ALK: variants seen among roughly 807,000 people sequenced by gnomAD.
ALK encodes the protein ALK tyrosine kinase receptor.
In ALK, 74 loss-of-function variants were observed where a neutral mutation model predicts 163.1. The ratio of observed to expected loss-of-function variants is 0.45; its 90% CI spans 0.38 to 0.55. The LOEUF is 0.55. Ranked by LOEUF, ALK falls within the 20% of genes least tolerant of loss-of-function variation. The probability of loss-of-function intolerance (pLI) is 0.00; values close to 1 mark genes in which losing one functional copy is unlikely to be tolerated. For synonymous variants in ALK, 960 were observed against 843.2 expected (o/e 1.14, Z -2.40); for missense variants, 2,063 against 2,105.3 (o/e 0.98, Z 0.39).
At chr2:29,499,254 T>C (rs1242311449) in intron 4 of ALK, among the ~76,000 whole-genome samples, 1 of 152,202 alleles carries the variant, frequency 6.6e-6, no homozygotes, top group Non-Finnish European at 1.5e-5. Flanking sequence ...TGGAGTTCAA[T>C]GGTGTGGTCT....
chr2:29,311,810 T>G (rs1376334126), intron 8 of ALK, among the ~76,000 whole-genome samples: 3 of 151,988 alleles, frequency 2.0e-5, no homozygotes, highest in African/African-American at 7.2e-5. Context: ...GGGGGCGATG[T>G]GGGGGAAGGC....
intron 9 of ALK, among the ~76,000 whole-genome samples, chr2:29,278,389 A>C (rs1476113887): frequency 1.3e-5 from 2 of 152,156 alleles, no homozygotes; most frequent in Non-Finnish European, 2.9e-5. Flanking sequence ...GACCTCTTAG[A>C]GGATAATTGT....
intron 3 of ALK, among the ~76,000 whole-genome samples, chr2:29,561,205 T>C (rs1674013525): frequency 6.6e-6 from 1 of 152,200 alleles, no homozygotes. Context: ...ATATTTCTAT[T>C]GGGCAGCACA....
At chr2:29,678,343 G>C (rs6707890) in intron 3 of ALK, among the ~76,000 whole-genome samples, 1,863 of 151,340 alleles carry the variant, frequency 0.012, 45 homozygotes, top group African/African-American at 0.044. Flanking sequence ...CTTTTACATC[G>C]CATGTTTTCA....
chr2:29,578,322 G>A (rs557880265), intron 3 of ALK, among the ~76,000 whole-genome samples: 1 of 152,256 alleles, frequency 6.6e-6, no homozygotes, highest in East Asian at 1.9e-4. Context: ...TCTTTCTTTT[G>A]TAAATTGCCC....
intron 13 of ALK, 72 bp from the exon 14 acceptor site, chr2:29,233,768 T>C (rs2148184717): frequency 6.2e-7 from 1 of 1,601,548 alleles, no homozygotes; most frequent in Non-Finnish European, 8.6e-7. Flanking sequence ...ACAGAACTTC[T>C]ATGCTTAAAA....
intron 1 of ALK, among the ~76,000 whole-genome samples, chr2:29,721,778 G>A (rs1573583273): frequency 6.6e-6 from 1 of 152,064 alleles, no homozygotes; most frequent in African/African-American, 2.4e-5. Context: ...ACACAAACAT[G>A]CACCATCTTA....
chr2:29,476,710 G>A lies in ALK; in HGVS notation c.1154+55205C>T, dbSNP rs576675986. The stretch of plus-strand genomic sequence containing the variant: ...TGCTGCATGGGCTGAGACTCAGAGC[G>A]TGTGAGGCTGCCCAGGGAAGACAGG... On this transcript the variant is annotated intron_variant, in intron 4 of 28. Coordinates refer to ENST00000389048, the MANE Select transcript of ALK (RefSeq NM_004304.5). Among the ~76,000 whole-genome samples the A allele has an allele frequency of 6.6e-5, 10 of 152,196 alleles. No homozygotes were observed. In the South Asian group the frequency reaches 8.3e-4, roughly 13 times the overall value.
Position 29,920,391 on chromosome 2 carries a change from G to A in ALK, c.269C>T (p.Ser90Leu), listed in dbSNP as rs34617074. The A allele has an allele frequency of 1.1e-5, 17 of 1,568,744 alleles. No homozygotes were observed. In the South Asian group the frequency reaches 1.4e-4, roughly 13 times the overall value. Residue 90 changes from serine to leucine, a missense_variant, in exon 1 of 29, where the codon TCG becomes TTG. Physicochemically the swap from Ser to Leu is moderately radical, Grantham distance 145. Coordinates refer to ENST00000389048, the MANE Select transcript of ALK (RefSeq NM_004304.5). ...LKAGRPEARG[S>L]LALDCAPLLR... Reference sequence around the variant, plus strand: ...CAGCGGGGCGCAGTCCAGAGCTAGCGAGCCGCGGGCCTCGGGCCTGCCAGC... The same window carrying A: ...CAGCGGGGCGCAGTCCAGAGCTAGCAAGCCGCGGGCCTCGGGCCTGCCAGC...
intron 2 of ALK, among the ~76,000 whole-genome samples, 161 bp from the exon 3 acceptor site, chr2:29,695,175 A>C (rs189479298): frequency 2.6e-5 from 4 of 152,334 alleles, no homozygotes; most frequent in Admixed American, 2.6e-4. Context: ...TATTGGTGAA[A>C]AGGGACCTAA....
At chr2:29,249,411 C>G (rs935424157) in intron 12 of ALK, among the ~76,000 whole-genome samples, 4 of 152,168 alleles carry the variant, frequency 2.6e-5, no homozygotes, top group Non-Finnish European at 5.9e-5. Context: ...CTCTCATAGC[C>G]TCTCATTTCC....
intron 3 of ALK, among the ~76,000 whole-genome samples, chr2:29,555,750 A>G (rs1028614766): frequency 3.9e-5 from 6 of 152,218 alleles, no homozygotes; most frequent in African/African-American, 1.4e-4. Context: ...AGTGATGGTA[A>G]ATAAATAGGG....
chr2:29,913,433 A>C (rs1034510911), intron 1 of ALK, among the ~76,000 whole-genome samples: 2 of 152,190 alleles, frequency 1.3e-5, no homozygotes, highest in Non-Finnish European at 2.9e-5. Context: ...GACCTGTGTG[A>C]AAGAGCCCTG....
intron 4 of ALK, among the ~76,000 whole-genome samples, chr2:29,482,967 G>A (rs1671697919): frequency 6.6e-6 from 1 of 152,188 alleles, no homozygotes; most frequent in African/African-American, 2.4e-5. Flanking sequence ...GGATCTGCCT[G>A]CTTTTCTTCT....
chr2:29,399,698 G>A (rs866952845), intron 4 of ALK, among the ~76,000 whole-genome samples: 3 of 152,164 alleles, frequency 2.0e-5, no homozygotes, highest in African/African-American at 7.2e-5. Flanking sequence ...CCTGACCGGT[G>A]ATGTCTCTTC....
chr2:29,624,205 G>A (rs931967551), intron 3 of ALK, among the ~76,000 whole-genome samples: 6 of 35,066 alleles, frequency 1.7e-4, no homozygotes, highest in Non-Finnish European at 4.3e-4. Context: ...CAAGTCCTGG[G>A]AGACCTTTTG....
intron 3 of ALK, among the ~76,000 whole-genome samples, chr2:29,557,587 A>G (rs533185319): frequency 6.6e-6 from 1 of 152,162 alleles, no homozygotes; most frequent in Non-Finnish European, 1.5e-5. Context: ...TCCTACATGA[A>G]TGCATTCTCT....
At chr2:29,633,380 T>C (rs971132286) in intron 3 of ALK, among the ~76,000 whole-genome samples, 7 of 152,030 alleles carry the variant, frequency 4.6e-5, no homozygotes, top group Non-Finnish European at 7.4e-5. Context: ...AAAAAACACA[T>C]TGAACTAGAT....
At chr2:29,702,634 G>A (rs770490256) in intron 2 of ALK, among the ~76,000 whole-genome samples, 1 of 152,174 alleles carries the variant, frequency 6.6e-6, no homozygotes, top group African/African-American at 2.4e-5. Flanking sequence ...ACCAAGACTG[G>A]GTAATTTATA....
Sources: gnomAD v4.1 joint callset for allele counts (sites outside exome capture counted in the v4.1 genomes callset) on GRCh38, gnomAD v4.1.1 for gene constraint, MANE v1.5 for transcripts, NCBI Gene and HGNC (gene_info 2026-07-23, HGNC 2026-07-21) for gene names.